DENND5B: variants seen among roughly 807,000 people sequenced by gnomAD.
The protein encoded by DENND5B is DENN domain-containing protein 5B.
DENND5B carries 34 observed loss-of-function variants against 140.6 expected under a neutral mutation model. The ratio of observed to expected loss-of-function variants is 0.24; its 90% CI spans 0.18 to 0.32. DENND5B has a LOEUF of 0.32. DENND5B is among the 10% of genes least tolerant of loss of function. DENND5B has a pLI of 1.00. For missense variants in DENND5B, 1,142 were observed against 1,560.2 expected, an observed-to-expected ratio of 0.73 and a Z score of 4.52; for synonymous variants, 551 against 562.1, an observed-to-expected ratio of 0.98 and a Z score of 0.28.
chr12:31,415,860 A>C (rs1428179395), intron 11 of DENND5B, among the ~76,000 whole-genome samples: 3 of 150,514 alleles, frequency 2.0e-5, no homozygotes, highest in African/African-American at 7.3e-5. Flanking sequence ...TTTGAGATGG[A>C]GTTTCGCTCT....
intron 11 of DENND5B, among the ~76,000 whole-genome samples, chr12:31,422,550 G>A (rs750412628): frequency 3.9e-5 from 6 of 152,082 alleles, no homozygotes; most frequent in African/African-American, 7.2e-5. Context: ...GCAGTGAGCC[G>A]AGATCGTACC....
chr12:31,538,053 T>C lies in DENND5B; in HGVS notation c.128-42134A>G, dbSNP rs116071742. Among the ~76,000 whole-genome samples, 566 of 152,266 alleles carry C rather than the reference T, an allele frequency of 3.7e-3. 2 individuals are homozygous for C. The highest frequency in any genetic ancestry group is 0.013 in the African/African-American group (520 of 41,564). On this transcript the variant is annotated intron_variant, in intron 1 of 20. Transcript: ENST00000389082. ...AGAGAGACAGACCCCAATATAATAA[T>C]AGCTGGTAACTTCAACATCCCATTT...
chr12:31,488,264 A>T (rs186538767), intron 2 of DENND5B, among the ~76,000 whole-genome samples: 2 of 151,930 alleles, frequency 1.3e-5, no homozygotes, highest in East Asian at 3.9e-4. Flanking sequence ...TGTGAGCCAC[A>T]GTGCCTGGAC....
intron 13 of DENND5B, among the ~76,000 whole-genome samples, chr12:31,411,832 G>A (rs1192374244): frequency 1.3e-5 from 2 of 152,150 alleles, no homozygotes; most frequent in African/African-American, 4.8e-5. Context: ...AAAAAGCACT[G>A]GAACTCTAAT....
chr12:31,421,537 T>C (rs1943023789), intron 11 of DENND5B, among the ~76,000 whole-genome samples: 1 of 138,690 alleles, frequency 7.2e-6, no homozygotes, highest in Admixed American at 8.4e-5. Flanking sequence ...TTAATACATA[T>C]TTCATATTCC....
intron 7 of DENND5B, among the ~76,000 whole-genome samples, chr12:31,437,292 G>A (rs899559299): frequency 1.3e-5 from 2 of 151,942 alleles, no homozygotes; most frequent in African/African-American, 4.8e-5. Flanking sequence ...ACAGGCACCC[G>A]CCAGGCTAAT....
intron 1 of DENND5B, among the ~76,000 whole-genome samples, chr12:31,544,022 G>C (rs1948772087): frequency 6.6e-6 from 1 of 152,114 alleles, no homozygotes; most frequent in African/African-American, 2.4e-5. Flanking sequence ...AAACTAGTCA[G>C]GCATGGTGGC....
At chr12:31,405,791 C>G (rs184459426) in intron 14 of DENND5B, among the ~76,000 whole-genome samples, 6 of 150,890 alleles carry the variant, frequency 4.0e-5, no homozygotes, top group Non-Finnish European at 7.4e-5. Context: ...CGTGATTCAC[C>G]CACCAAGGCC....
rs2137203031 is a variant in DENND5B at position 31,383,596 on chromosome 12, C to A, written c.*4007G>T. ...CCACACTTCTGCAAGGTTGAAGTTTCTCATATCAAATTCTCATTCCCAGTG... is the reference window on the plus strand; with the variant it reads ...CCACACTTCTGCAAGGTTGAAGTTTATCATATCAAATTCTCATTCCCAGTG... On this transcript the variant is annotated 3_prime_UTR_variant, in exon 21 of 21. Coordinates refer to ENST00000389082, the MANE Select transcript of DENND5B (RefSeq NM_144973.4). 1 of 152,284 alleles carries A rather than the reference C, an allele frequency of 6.6e-6. No homozygotes were observed. Among genetic ancestry groups the A allele is most frequent in the South Asian group, 2.1e-4 (1 of 4,816 alleles). The allele number at this position is 152,284 out of a possible 1,614,324, so 9.4% of individuals were successfully genotyped here. A position where few individuals can be genotyped will look rare whatever the true frequency, so the allele number is the denominator to read the frequency against.
rs929400226 is a variant in DENND5B, at chr12:31,399,707, T to A, written c.3015A>T (p.Lys1005Asn). The change falls in exon 16 of 21, where the codon AAA becomes AAT. Residue 1005 changes from lysine to asparagine, a missense_variant. Around this residue, in one of 5 missense-constraint regions of DENND5B, gnomAD observed 268 missense variants for 349.2 expected, o/e 0.77. Coordinates refer to ENST00000389082, the MANE Select transcript of DENND5B (RefSeq NM_144973.4). ...TGACCATGACACAATCCACTAGCCATTTGGCTAACAGTCCTGAGTTATCGT... is the reference window on the plus strand; with the variant it reads ...TGACCATGACACAATCCACTAGCCAATTGGCTAACAGTCCTGAGTTATCGT... The part of the protein sequence containing the change: ...IGHDNSGLLA[K>N]WLVDCVMVRN... 1 of 1,613,990 alleles carries A rather than the reference T, an allele frequency of 6.2e-7. No individual in the cohort carries two copies. Among genetic ancestry groups the A allele is most frequent in the Non-Finnish European group, 8.5e-7 (1 of 1,179,926 alleles).
At chr12:31,389,626 A>AT (rs1324491743) in intron 19 of DENND5B, 128 bp from the exon 20 acceptor site, 5 of 825,238 alleles carry the variant, frequency 6.1e-6, no homozygotes, top group Non-Finnish European at 8.9e-6. Flanking sequence ...AGCCAATATC[A>AT]TTACTTTATC....
chr12:31,431,683 T>C (rs185891016), intron 8 of DENND5B, among the ~76,000 whole-genome samples: 1 of 152,266 alleles, frequency 6.6e-6, no homozygotes, highest in East Asian at 1.9e-4. Context: ...TGAAATTCAA[T>C]CACATCTGTA....
At chr12:31,547,777 T>C (rs1287948274) in intron 1 of DENND5B, among the ~76,000 whole-genome samples, 1 of 151,724 alleles carries the variant, frequency 6.6e-6, no homozygotes, top group Non-Finnish European at 1.5e-5. Flanking sequence ...GCGATCTTGG[T>C]TCACTGCAAC....
chr12:31,499,479 G>A (rs1406337469), intron 1 of DENND5B: 1 of 653,316 alleles, frequency 1.5e-6, no homozygotes, highest in East Asian at 3.4e-5. Context: ...TGAGAGAAGA[G>A]AAACATAAAA....
chr12:31,431,539 A>G (rs113468217), intron 8 of DENND5B, among the ~76,000 whole-genome samples: 149 of 152,332 alleles, frequency 9.8e-4, no homozygotes, highest in Non-Finnish European at 1.7e-3. Context: ...CAAATTGGAC[A>G]AGATGACCTT....
chr12:31,588,163 C>T (rs1341620391), intron 1 of DENND5B, among the ~76,000 whole-genome samples: 1 of 152,190 alleles, frequency 6.6e-6, no homozygotes, highest in Non-Finnish European at 1.5e-5. Flanking sequence ...AGGGTCTTCG[C>T]ACTTGCTGTT....
chr12:31,479,495 A>T, intron 3 of DENND5B, 94 bp downstream of exon 3: 2 of 1,190,094 alleles, frequency 1.7e-6, no homozygotes, highest in South Asian at 2.2e-5. Flanking sequence ...GACTGTGATC[A>T]TTATTCGGTT....
chr12:31,487,645 T>G (rs1946362554), intron 2 of DENND5B, among the ~76,000 whole-genome samples: 1 of 152,112 alleles, frequency 6.6e-6, no homozygotes, highest in Admixed American at 6.5e-5. Flanking sequence ...GAGGTTGCAG[T>G]GAGCCAAGAC....
chr12:31,467,815 C>A (rs1463767061), intron 3 of DENND5B, among the ~76,000 whole-genome samples: 1 of 151,626 alleles, frequency 6.6e-6, no homozygotes, highest in East Asian at 1.9e-4. Context: ...GTTGAAATCT[C>A]AAAATTTATC....
Sources: gnomAD v4.1 joint callset for allele counts (sites outside exome capture counted in the v4.1 genomes callset) on GRCh38, gnomAD v4.1.1 for gene constraint, gnomAD v4.1.1 regional missense constraint, MANE v1.5 for transcripts, NCBI Gene and HGNC (gene_info 2026-07-23, HGNC 2026-07-21) for gene names.